Variants in ERBB4 observed in about 807,000 individuals in gnomAD.
ERBB4 encodes the protein receptor tyrosine-protein kinase erbB-4.
In ERBB4, 42 loss-of-function variants were observed where a neutral mutation model predicts 158.0. The ratio of observed to expected loss-of-function variants is 0.27; its 90% CI spans 0.21 to 0.34. ERBB4 has a LOEUF of 0.34. ERBB4 is among the 10% of genes least tolerant of loss of function. ERBB4 has a pLI of 1.00. For missense variants in ERBB4, 1,333 were observed against 1,624.1 expected (o/e 0.82, Z 3.08); for synonymous variants, 583 against 558.7 (o/e 1.04, Z -0.61).
chr2:211,603,075 A>G (rs1559339783), intron 19 of ERBB4, among the ~76,000 whole-genome samples: 1 of 152,126 alleles, frequency 6.6e-6, no homozygotes. Context: ...TACTAAAAAT[A>G]CAAAATTTAG....
intron 2 of ERBB4, among the ~76,000 whole-genome samples, chr2:212,036,013 G>A (rs2077003842): frequency 6.6e-6 from 1 of 152,080 alleles, no homozygotes; most frequent in South Asian, 2.1e-4. Context: ...ACATTTATAA[G>A]ATATATTCTT....
chr2:212,505,082 T>C (rs529966943), intron 1 of ERBB4, among the ~76,000 whole-genome samples: 2 of 151,516 alleles, frequency 1.3e-5, no homozygotes, highest in East Asian at 3.9e-4. Flanking sequence ...GCTTTTGTTT[T>C]TGTTTCTTTT....
intron 19 of ERBB4, among the ~76,000 whole-genome samples, chr2:211,602,430 C>A (rs544597477): frequency 6.6e-6 from 1 of 152,056 alleles, no homozygotes; most frequent in African/African-American, 2.4e-5. Context: ...AGCTGCTGAT[C>A]ACTTGTTCAC....
intron 5 of ERBB4, among the ~76,000 whole-genome samples, chr2:211,729,812 C>A (rs886940454): frequency 1.3e-5 from 2 of 151,874 alleles, no homozygotes; most frequent in Non-Finnish European, 2.9e-5. Context: ...TATTTCATTA[C>A]ATTTTTTTCC....
chr2:212,027,824 AT>A (rs557351019), intron 2 of ERBB4, among the ~76,000 whole-genome samples: 3 of 150,968 alleles, frequency 2.0e-5, no homozygotes, highest in South Asian at 4.2e-4. Flanking sequence ...CTTAGTCTTT[AT>A]TTTTTTTTCA....
At chr2:211,713,327 G>C (rs2073775187) in intron 8 of ERBB4, among the ~76,000 whole-genome samples, 1 of 151,910 alleles carries the variant, frequency 6.6e-6, no homozygotes, top group South Asian at 2.1e-4. Context: ...TTTTTTCTGG[G>C]CCATTTTAGT....
At chr2:212,256,353 C>G (rs1032739768) in intron 1 of ERBB4, among the ~76,000 whole-genome samples, 1 of 152,008 alleles carries the variant, frequency 6.6e-6, no homozygotes, top group Admixed American at 6.6e-5. Flanking sequence ...TTTGCCTTAT[C>G]ATCGTCATCA....
At chr2:212,151,363 T>A (rs545681882) in intron 1 of ERBB4, among the ~76,000 whole-genome samples, 44 of 151,316 alleles carry the variant, frequency 2.9e-4, no homozygotes, top group African/African-American at 9.9e-4. Context: ...GGAGTTACTT[T>A]TATTCATTTT....
intron 5 of ERBB4, among the ~76,000 whole-genome samples, chr2:211,740,565 C>A (rs1053755721): frequency 6.6e-6 from 1 of 151,272 alleles, no homozygotes; most frequent in Admixed American, 6.6e-5. Flanking sequence ...CTGTACTGTA[C>A]CCCTTCCTAT....
intron 1 of ERBB4, among the ~76,000 whole-genome samples, chr2:212,428,161 C>G (rs895281351): frequency 1.3e-5 from 2 of 152,032 alleles, no homozygotes; most frequent in African/African-American, 2.4e-5. Context: ...TCAAGAATGA[C>G]ATACAAATTG....
chr2:212,175,234 A>G (rs2081626886), intron 1 of ERBB4, among the ~76,000 whole-genome samples: 1 of 152,100 alleles, frequency 6.6e-6, no homozygotes, highest in Non-Finnish European at 1.5e-5. Context: ...AGTATCTAGC[A>G]GATAAAAAGC....
chr2:211,627,580 C>T (rs1428624290), intron 17 of ERBB4, among the ~76,000 whole-genome samples: 2 of 152,150 alleles, frequency 1.3e-5, no homozygotes, highest in African/African-American at 4.8e-5. Context: ...AAATTTAATT[C>T]ATTATCGGTA....
Position 211,939,946 on chromosome 2 carries a change from C to CA in ERBB4, c.421+7483dup, listed in dbSNP as rs536778190. Among the ~76,000 whole-genome samples the CA allele has an allele frequency of 7.2e-3, 782 of 108,784 alleles. 9 individuals are homozygous for CA. Among genetic ancestry groups the CA allele is most frequent in the Non-Finnish European group, 0.01 (541 of 52,832 alleles). The allele number at this position is 108,784 out of a possible 152,430, so 71.4% of individuals were successfully genotyped here. Reference sequence around the variant, plus strand: ...TGGGCCACAGAGCAAGACTCCGTCTCAAAAAAAAAGGAAAAAAAAAATATA... The same window carrying CA: ...TGGGCCACAGAGCAAGACTCCGTCTCAAAAAAAAAAGGAAAAAAAAAATATA... On this transcript the variant is annotated intron_variant, in intron 3 of 27. Transcript: ENST00000342788.
chr2:212,430,647 G>T (rs912573693), intron 1 of ERBB4, among the ~76,000 whole-genome samples: 5 of 151,974 alleles, frequency 3.3e-5, no homozygotes, highest in African/African-American at 4.8e-5. Context: ...TCACCATGTT[G>T]GCCAGGCTGG....
chr2:211,404,648 T>G (rs1298722766), intron 25 of ERBB4, among the ~76,000 whole-genome samples: 1 of 152,148 alleles, frequency 6.6e-6, no homozygotes, highest in Non-Finnish European at 1.5e-5. Context: ...GGTTAAGTGT[T>G]TGTTTGTGTA....
At chr2:211,688,737 C>T (rs984214198) in intron 12 of ERBB4, among the ~76,000 whole-genome samples, 1 of 152,066 alleles carries the variant, frequency 6.6e-6, no homozygotes, top group Non-Finnish European at 1.5e-5. Flanking sequence ...CTGCTAAGCA[C>T]CCACTAAGCT....
chr2:212,297,743 G>A (rs1186018756), intron 1 of ERBB4, among the ~76,000 whole-genome samples: 1 of 151,524 alleles, frequency 6.6e-6, no homozygotes, highest in African/African-American at 2.4e-5. Flanking sequence ...TGATGAAAAA[G>A]GGTGTATATA....
At chr2:211,913,352 C>T (rs1264858884) in intron 3 of ERBB4, among the ~76,000 whole-genome samples, 1 of 152,030 alleles carries the variant, frequency 6.6e-6, no homozygotes, top group Non-Finnish European at 1.5e-5. Flanking sequence ...GTAATCCAAG[C>T]ACTTTGGGAG....
chr2:211,966,176 T>C (rs1053444343), intron 2 of ERBB4, among the ~76,000 whole-genome samples: 1 of 152,154 alleles, frequency 6.6e-6, no homozygotes, highest in African/African-American at 2.4e-5. Flanking sequence ...TTCACGCCAT[T>C]GCACTCCAGC....
Sources: gnomAD v4.1 joint callset for allele counts (sites outside exome capture counted in the v4.1 genomes callset) on GRCh38, gnomAD v4.1.1 for gene constraint, MANE v1.5 for transcripts, NCBI Gene and HGNC (gene_info 2026-07-23, HGNC 2026-07-21) for gene names.